The following DAB1 variants were observed in gnomAD, a reference collection of about 807,000 sequenced individuals.
DAB1 encodes the protein DAB adaptor protein 1, also known as disabled homolog 1.
DAB1 carries 15 observed loss-of-function variants against 64.6 expected under a neutral mutation model. The observed-to-expected ratio is 0.23, with a 90% CI of 0.16 to 0.36. DAB1 has a LOEUF of 0.36. Among genes scored for constraint, DAB1 ranks in the 10% least tolerant of loss-of-function variants. DAB1 has a pLI of 1.00. For synonymous variants in DAB1, 235 were observed against 251.9 expected (o/e 0.93, Z 0.64); for missense variants, 596 against 706.7 (o/e 0.84, Z 1.78).
intron 4 of DAB1, among the ~76,000 whole-genome samples, chr1:58,233,499 C>G (rs183805409): frequency 6.6e-6 from 1 of 152,114 alleles, no homozygotes; most frequent in Admixed American, 6.6e-5. Context: ...GCCTGCAGTG[C>G]GAGGAGCTGG....
chr1:57,037,353 C>T (rs931121124), intron 9 of DAB1, among the ~76,000 whole-genome samples: 5 of 152,172 alleles, frequency 3.3e-5, no homozygotes, highest in Non-Finnish European at 7.3e-5. Flanking sequence ...AGATGAATAA[C>T]ACATGGTCCT....
chr1:57,605,000 C>T (rs1645619594), intron 7 of DAB1, among the ~76,000 whole-genome samples: 1 of 152,112 alleles, frequency 6.6e-6, no homozygotes, highest in Non-Finnish European at 1.5e-5. Flanking sequence ...AAAGATAATC[C>T]TTAATAATAA....
intron 7 of DAB1, among the ~76,000 whole-genome samples, chr1:57,581,886 A>C (rs907042632): frequency 6.6e-6 from 1 of 152,170 alleles, no homozygotes; most frequent in Non-Finnish European, 1.5e-5. Context: ...TGCTATAACA[A>C]CATACCATAG....
At chr1:57,405,662 A>G (rs1683575468) in intron 1 of DAB1, among the ~76,000 whole-genome samples, 2 of 152,182 alleles carry the variant, frequency 1.3e-5, no homozygotes, top group South Asian at 4.1e-4. Context: ...TACTGCAACC[A>G]TCAGATGAAC....
At chr1:57,867,158 A>T (rs1654338314) in intron 1 of DAB1, 2 of 152,114 alleles carry the variant, frequency 1.3e-5, no homozygotes, top group African/African-American at 4.8e-5. Context: ...TCCGTTGCTA[A>T]CTGGCCCATA....
At chr1:58,130,731 G>A (rs1653496431) in intron 5 of DAB1, among the ~76,000 whole-genome samples, 1 of 151,536 alleles carries the variant, frequency 6.6e-6, no homozygotes, top group East Asian at 1.9e-4. Flanking sequence ...TAGTTTGGCT[G>A]GATATGAAAT....
chr1:58,341,389 A>G (rs995600665), intron 4 of DAB1, among the ~76,000 whole-genome samples: 2 of 152,152 alleles, frequency 1.3e-5, no homozygotes, highest in Non-Finnish European at 2.9e-5. Context: ...AAACCCAATA[A>G]TCTTGATTCC....
At chr1:57,606,680 T>TATGAAATATA (rs1225209179) in intron 7 of DAB1, among the ~76,000 whole-genome samples, 1 of 71,042 alleles carries the variant, frequency 1.4e-5, no homozygotes, top group East Asian at 4.5e-4. Context: ...GAAATATATA[T>TATGAAATATA]TATGTATGAA....
At chr1:57,659,986 TAA>T (rs1426684983) in intron 6 of DAB1, among the ~76,000 whole-genome samples, 1 of 145,646 alleles carries the variant, frequency 6.9e-6, no homozygotes, top group African/African-American at 2.5e-5. Flanking sequence ...CAAAAATAAA[TAA>T]ATAAATAAAT....
At chr1:58,403,832 CAT>C (rs200744902) in intron 3 of DAB1, among the ~76,000 whole-genome samples, 3,037 of 152,314 alleles carry the variant, frequency 0.02, 91 homozygotes, top group African/African-American at 0.069. Context: ...CACACACACA[CAT>C]GACTTGAACA....
chr1:57,409,060 G>A (rs1191898013), intron 1 of DAB1, among the ~76,000 whole-genome samples: 1 of 152,098 alleles, frequency 6.6e-6, no homozygotes, highest in African/African-American at 2.4e-5. Context: ...ATCCATGTGT[G>A]GTGCCCACTC....
In DAB1 at chr1:58,129,423, A is replaced by G. The variant is rs1160218392; in HGVS notation, n.387+21088T>C. Among the ~76,000 whole-genome samples the G allele has an allele frequency of 1.1e-3, 150 of 130,452 alleles. 1 individual carries two copies. Among genetic ancestry groups the G allele is most frequent in the African/African-American group, 3.9e-3 (127 of 32,950 alleles). 85.6% of individuals were successfully genotyped at this position (130,452 alleles called of 152,430 possible). A position where few individuals can be genotyped will look rare whatever the true frequency, so the allele number is the denominator to read the frequency against. On this transcript the variant is annotated intron_variant and non_coding_transcript_variant, in intron 5 of 20. Coordinates refer to the DAB1 transcript ENST00000485760. ...CAAAAAACCAGCTCCTGGATTCATTAATTTTTTGAAGGGTTTTTTGTGTCT... is the reference window on the plus strand; with the variant it reads ...CAAAAAACCAGCTCCTGGATTCATTGATTTTTTGAAGGGTTTTTTGTGTCT...
chr1:58,219,768 G>A (rs1388917062), intron 4 of DAB1, among the ~76,000 whole-genome samples: 2 of 152,174 alleles, frequency 1.3e-5, no homozygotes, highest in East Asian at 3.9e-4. Context: ...AATGATCACT[G>A]CATTCTGCAC....
upstream of DAB1, among the ~76,000 whole-genome samples, chr1:57,424,334 C>A (rs1434610261): frequency 6.7e-6 from 1 of 150,230 alleles, no homozygotes; most frequent in Non-Finnish European, 1.5e-5. Context: ...GGTGGAAGAA[C>A]GAGCGAGCGA....
intron 5 of DAB1, among the ~76,000 whole-genome samples, chr1:58,136,803 G>A (rs1366494078): frequency 6.6e-6 from 1 of 152,196 alleles, no homozygotes; most frequent in Non-Finnish European, 1.5e-5. Context: ...GAGGTATTCA[G>A]TGACACCATG....
At chr1:58,172,696 G>A (rs2100769334) in intron 4 of DAB1, among the ~76,000 whole-genome samples, 2 of 152,288 alleles carry the variant, frequency 1.3e-5, no homozygotes, top group Admixed American at 1.3e-4. Context: ...GTTCATTTGT[G>A]GAGAATGGGA....
At chr1:58,039,382 C>T (rs1647098696) in intron 5 of DAB1, among the ~76,000 whole-genome samples, 1 of 152,194 alleles carries the variant, frequency 6.6e-6, no homozygotes, top group South Asian at 2.1e-4. Context: ...AATAAAGGCT[C>T]TTGATCAGGG....
chr1:57,023,776 G>C, intron 10 of DAB1, 137 bp from the exon 11 acceptor site: 1 of 649,326 alleles, frequency 1.5e-6, no homozygotes, highest in East Asian at 2.8e-5. Context: ...TGCAGCCCAT[G>C]TGCTGGTTAC....
At chr1:57,181,918 C>T (rs192907558) in intron 2 of DAB1, among the ~76,000 whole-genome samples, 2 of 152,318 alleles carry the variant, frequency 1.3e-5, no homozygotes, top group South Asian at 2.1e-4. Context: ...TGGAGTCTCG[C>T]TCTGTCACCC....
Sources: gnomAD v4.1 joint callset for allele counts (sites outside exome capture counted in the v4.1 genomes callset) on GRCh38, gnomAD v4.1.1 for gene constraint, MANE v1.5 for transcripts, NCBI Gene and HGNC (gene_info 2026-07-23, HGNC 2026-07-21) for gene names.